Variants in IGF2BP3 observed in about 807,000 individuals in gnomAD.
The protein encoded by IGF2BP3 is insulin like growth factor 2 mRNA binding protein 3, also known as insulin-like growth factor 2 mRNA-binding protein 3.
In IGF2BP3, 9 loss-of-function variants were observed where a neutral mutation model predicts 73.8. The ratio of observed to expected loss-of-function variants is 0.12; its 90% CI spans 0.07 to 0.21. The LOEUF is 0.21. Among genes scored for constraint, IGF2BP3 ranks in the 10% least tolerant of loss-of-function variants. The pLI, the probability that IGF2BP3 is intolerant of heterozygous loss-of-function variation, is 1.00. For missense variants in IGF2BP3, 542 were observed against 714.0 expected, an observed-to-expected ratio of 0.76 and a Z score of 2.75; for synonymous variants, 258 against 256.7, an observed-to-expected ratio of 1.01 and a Z score of -0.05.
intron 3 of IGF2BP3, among the ~76,000 whole-genome samples, chr7:23,384,569 G>C (rs991865206): frequency 5.3e-5 from 8 of 152,038 alleles, no homozygotes; most frequent in African/African-American, 1.9e-4. Context: ...CCTTTAAAAA[G>C]AATGGCCATA....
intron 10 of IGF2BP3, among the ~76,000 whole-genome samples, chr7:23,325,099 G>T (rs1308761173): frequency 6.6e-6 from 1 of 152,086 alleles, no homozygotes; most frequent in East Asian, 1.9e-4. Context: ...AGGAAATAAA[G>T]GGTATTCAAT....
chr7:23,312,694 A>T lies in IGF2BP3; in HGVS notation c.1641+41T>A, dbSNP rs750151395. 2.9e-6 allele frequency: 4 copies of T among 1,376,518 alleles called. No homozygotes were observed. The South Asian group carries it at 4.8e-5, about 17-fold the overall frequency. The allele number at this position is 1,376,518 out of a possible 1,614,324, so 85.3% of individuals were successfully genotyped here. A position where few individuals can be genotyped will look rare whatever the true frequency, so the allele number is the denominator to read the frequency against. ...GAGCACCTGTGGGAGAATTGCTTCCACGTGAGAAAGATACAATAGCTTATT... is the reference window on the plus strand; with the variant it reads ...GAGCACCTGTGGGAGAATTGCTTCCTCGTGAGAAAGATACAATAGCTTATT... On this transcript the variant is annotated intron_variant, in intron 14 of 14. Coordinates refer to ENST00000258729, the MANE Select transcript of IGF2BP3 (RefSeq NM_006547.3).
intron 3 of IGF2BP3, among the ~76,000 whole-genome samples, chr7:23,372,222 G>A (rs188479027): frequency 1.3e-5 from 2 of 152,036 alleles, no homozygotes; most frequent in East Asian, 1.9e-4. Flanking sequence ...CTACAGGCAC[G>A]TGCCTCCACC....
At chr7:23,326,232 T>C (rs953366073) in intron 10 of IGF2BP3, among the ~76,000 whole-genome samples, 87 of 151,826 alleles carry the variant, frequency 5.7e-4, no homozygotes, top group African/African-American at 2.0e-3. Flanking sequence ...AAAAAACAAA[T>C]AACCCCATCA....
chr7:23,372,311 G>A (rs1785577566), intron 3 of IGF2BP3, among the ~76,000 whole-genome samples: 1 of 152,026 alleles, frequency 6.6e-6, no homozygotes, highest in Non-Finnish European at 1.5e-5. Context: ...CTGACCTCGT[G>A]ATCTGCCCCC....
At chr7:23,347,861 G>T in intron 6 of IGF2BP3, 127 bp from the exon 7 acceptor site, 1 of 1,048,174 alleles carries the variant, frequency 9.5e-7, no homozygotes, top group Non-Finnish European at 1.4e-6. Context: ...TCCCTCAAGA[G>T]CATAAACTTT....
At chr7:23,331,515 T>A (rs1406577460) in intron 10 of IGF2BP3, among the ~76,000 whole-genome samples, 1 of 151,710 alleles carries the variant, frequency 6.6e-6, no homozygotes, top group African/African-American at 2.4e-5. Flanking sequence ...TGAGACTCTG[T>A]CTCAAAAACA....
intron 3 of IGF2BP3, among the ~76,000 whole-genome samples, chr7:23,384,095 C>CAAAAAAAAAAAAAAA: frequency 1.6e-5 from 1 of 62,530 alleles, no homozygotes; most frequent in Non-Finnish European, 3.5e-5. Flanking sequence ...GACTCCATCT[C>CAAAAAAAAAAAAAAA]AAAAAAAAAA....
At chr7:23,436,863 C>G (rs190117020) in intron 2 of IGF2BP3, among the ~76,000 whole-genome samples, 286 of 152,286 alleles carry the variant, frequency 1.9e-3, no homozygotes, top group Non-Finnish European at 3.1e-3. Context: ...CACCTGTAAT[C>G]CTAGCACTTT....
intron 10 of IGF2BP3, among the ~76,000 whole-genome samples, chr7:23,339,115 G>C (rs549982553): frequency 1.4e-4 from 22 of 152,360 alleles, no homozygotes; most frequent in African/African-American, 4.8e-4. Flanking sequence ...ACTGTTGGCA[G>C]CTTCTGCAAC....
intron 10 of IGF2BP3, among the ~76,000 whole-genome samples, chr7:23,336,905 G>A (rs1193332745): frequency 2.0e-5 from 3 of 151,504 alleles, no homozygotes. Context: ...CCGAGATTGC[G>A]CCACCACACT....
At chr7:23,417,338 C>A (rs1399703764) in intron 3 of IGF2BP3, among the ~76,000 whole-genome samples, 1 of 152,014 alleles carries the variant, frequency 6.6e-6, no homozygotes, top group African/African-American at 2.4e-5. Context: ...CCATATTTGC[C>A]CATTTGAAAA....
intron 3 of IGF2BP3, among the ~76,000 whole-genome samples, chr7:23,403,718 G>A (rs749098672): frequency 2.6e-5 from 4 of 152,170 alleles, no homozygotes; most frequent in Non-Finnish European, 4.4e-5. Flanking sequence ...CAAGACCTTG[G>A]CAAGTTTTTC....
intron 2 of IGF2BP3, among the ~76,000 whole-genome samples, chr7:23,466,243 G>C (rs1306997000): frequency 6.6e-6 from 1 of 151,986 alleles, no homozygotes; most frequent in Non-Finnish European, 1.5e-5. Flanking sequence ...GGCTGGTCTC[G>C]AACTCCTGAC....
intron 11 of IGF2BP3, 26 bp from the exon 12 acceptor site, chr7:23,317,739 T>C (rs747534481): frequency 1.4e-5 from 23 of 1,596,452 alleles, no homozygotes; most frequent in Admixed American, 3.3e-5. Context: ...CAACAAGTTA[T>C]GATACTTTCA....
chr7:23,408,477 A>AG (rs1786916493), intron 3 of IGF2BP3, among the ~76,000 whole-genome samples: 1 of 152,178 alleles, frequency 6.6e-6, no homozygotes, highest in Non-Finnish European at 1.5e-5. Context: ...CCTACTATTT[A>AG]GAAAAAAAAA....
At chr7:23,391,097 CTTTT>C (rs773815068) in intron 3 of IGF2BP3, among the ~76,000 whole-genome samples, 1 of 105,884 alleles carries the variant, frequency 9.4e-6, no homozygotes, top group African/African-American at 3.6e-5. Flanking sequence ...TCGCGCCTGG[CTTTT>C]TTTTTTTTTT....
At chr7:23,345,502 T>C (rs1253155250) in intron 8 of IGF2BP3, among the ~76,000 whole-genome samples, 1 of 152,222 alleles carries the variant, frequency 6.6e-6, no homozygotes, top group Admixed American at 6.5e-5. Flanking sequence ...CAGCATCAAC[T>C]TGTCAGCAGC....
intron 2 of IGF2BP3, among the ~76,000 whole-genome samples, chr7:23,423,929 T>TC (rs1160279769): frequency 1.3e-5 from 2 of 150,850 alleles, no homozygotes; most frequent in Non-Finnish European, 3.0e-5. Flanking sequence ...ACCAGCCTGA[T>TC]CAACATGGTG....
Sources: allele counts gnomAD v4.1 joint callset (sites outside exome capture counted in the v4.1 genomes callset), GRCh38; gene constraint gnomAD v4.1.1; transcripts MANE v1.5; gene names NCBI Gene and HGNC (gene_info 2026-07-23, HGNC 2026-07-21).